The following LRP2 variants were observed in gnomAD, a reference collection of about 807,000 sequenced individuals.
The protein encoded by LRP2 is low-density lipoprotein receptor-related protein 2.
LRP2 carries 172 observed loss-of-function variants against 531.0 expected under a neutral mutation model. The observed-to-expected ratio is 0.32, with a 90% CI of 0.29 to 0.37. The LOEUF (loss-of-function observed/expected upper bound fraction) is 0.37. Among genes scored for constraint, LRP2 ranks in the 10% least tolerant of loss-of-function variants. The probability of loss-of-function intolerance (pLI) is 1.00; values close to 1 mark genes in which losing one functional copy is unlikely to be tolerated. For missense variants in LRP2, 5,167 were observed against 5,868.3 expected, an observed-to-expected ratio of 0.88 and a Z score of 3.90; for synonymous variants, 1,992 against 2,027.6, an observed-to-expected ratio of 0.98 and a Z score of 0.47.
chr2:169,145,610 A>G (rs1239600821), intron 70 of LRP2, 137 bp downstream of exon 70: 1 of 831,702 alleles, frequency 1.2e-6, no homozygotes, highest in Non-Finnish European at 2.0e-6. Context: ...CAGCAAACGT[A>G]CATACACATA....
rs1477135236 is a variant in LRP2, at chr2:169,299,163, GAA to G, written c.428-4455_428-4454del. On this transcript the variant is annotated intron_variant, in intron 4 of 78. Coordinates refer to ENST00000649046, the MANE Select transcript of LRP2 (RefSeq NM_004525.3). ...AGAAAGAAAGAAAGAAAGAAAAAAA[GAA>G]AGAAAGAAAAAGAAAGAAAGAAAGA... Among the ~76,000 whole-genome samples, 3 of 18,732 alleles carry G rather than the reference GAA, an allele frequency of 1.6e-4. 1 individual carries two copies. The East Asian group carries it at 5.2e-3, about 32-fold the overall frequency. The allele number at this position is 18,732 out of a possible 152,430, so 12.3% of individuals were successfully genotyped here. A position where few individuals can be genotyped will look rare whatever the true frequency, so the allele number is the denominator to read the frequency against.
chr2:169,159,625 C>G (rs1686499157), intron 63 of LRP2, among the ~76,000 whole-genome samples: 1 of 152,142 alleles, frequency 6.6e-6, no homozygotes, highest in South Asian at 2.1e-4. Flanking sequence ...TTATTCACTT[C>G]ACGTAAGTTG....
intron 52 of LRP2, among the ~76,000 whole-genome samples, chr2:169,179,566 C>G (rs1186973327): frequency 6.6e-6 from 1 of 151,970 alleles, no homozygotes; most frequent in Non-Finnish European, 1.5e-5. Flanking sequence ...ACTAAAAATA[C>G]AAAATTAGCC....
At chr2:169,200,265 A>T (rs558406178) in intron 44 of LRP2, among the ~76,000 whole-genome samples, 60 of 152,162 alleles carry the variant, frequency 3.9e-4, no homozygotes, top group East Asian at 5.8e-4. Context: ...AAATAAAAAA[A>T]TTTTTTTTCC....
chr2:169,131,940 C>A (rs2105326669), intron 77 of LRP2, among the ~76,000 whole-genome samples: 2 of 152,246 alleles, frequency 1.3e-5, no homozygotes, highest in South Asian at 4.1e-4. Flanking sequence ...TTCCTGCAGA[C>A]CAAATAGTGT....
chr2:169,277,206 A>AG (rs1683579827), intron 13 of LRP2, among the ~76,000 whole-genome samples: 1 of 151,832 alleles, frequency 6.6e-6, no homozygotes, highest in African/African-American at 2.4e-5. Flanking sequence ...AAAAAAAAAA[A>AG]AAAAAAGAAA....
intron 16 of LRP2, among the ~76,000 whole-genome samples, chr2:169,260,239 A>G (rs963534329): frequency 6.6e-6 from 1 of 152,150 alleles, no homozygotes; most frequent in Non-Finnish European, 1.5e-5. Context: ...CAAAAATAAA[A>G]GAGTAATGAG....
chr2:169,271,152 T>C (rs1225798273), intron 15 of LRP2, 45 bp from the exon 16 acceptor site: 1 of 1,359,782 alleles, frequency 7.4e-7, no homozygotes. Flanking sequence ...GCATGGTTCT[T>C]TTCTCTCCTC....
chr2:169,197,650 T>C (rs1330181381), intron 45 of LRP2, among the ~76,000 whole-genome samples: 1 of 152,242 alleles, frequency 6.6e-6, no homozygotes. Flanking sequence ...AGTCTTGTAA[T>C]TCTTCTGGTC....
rs765765342 is a variant in LRP2 at position 169,270,894 on chromosome 2, C to A, written c.2320+10G>T. The A allele has an allele frequency of 7.5e-6, 12 of 1,607,816 alleles. No homozygotes were observed. The highest frequency in any genetic ancestry group is 1.0e-5 in the Non-Finnish European group (12 of 1,176,160). The stretch of plus-strand genomic sequence containing the variant: ...ATACACACACACACACACACACAAA[C>A]CTTTCTCACCTGTGCCATCAATCTT... On this transcript the variant is annotated intron_variant, in intron 16 of 78. Coordinates refer to ENST00000649046, the MANE Select transcript of LRP2 (RefSeq NM_004525.3).
At position 169,213,796 on chromosome 2, in the gene LRP2, T is replaced by C; in HGVS notation, c.5901A>G (p.Ala1967=). The part of the protein sequence containing the change: ...VHQLSHPWGI[A]VHDSFLYYTD... ...TATAATAAAGGAAAGAATCATGGAC[T>C]GCAATTCCCCAGGGGTGGGAAAGCT... Residue 1967 remains alanine, a synonymous_variant, in exon 36 of 79, where the codon GCA becomes GCG. Coordinates refer to ENST00000649046, the MANE Select transcript of LRP2 (RefSeq NM_004525.3). 6.2e-7 allele frequency: 1 copy of C among 1,613,848 alleles called. No homozygotes were observed. The highest frequency in any genetic ancestry group is 8.5e-7 in the Non-Finnish European group (1 of 1,179,796).
chr2:169,137,403 G>A lies in LRP2; in HGVS notation c.13609C>T (p.Gln4537Ter). The A allele has an allele frequency of 6.2e-7, 1 of 1,612,524 alleles. No homozygotes were observed. The highest frequency in any genetic ancestry group is 8.5e-7 in the Non-Finnish European group (1 of 1,178,554). ...SARDSAVKVV[Q>*]PIQVTVSENV... Reference sequence around the variant, plus strand: ...GTATGGTTTCTCACCTGGATTGGCTGAACCACTTTGACAGCACTGTCTCTG... The same window carrying A: ...GTATGGTTTCTCACCTGGATTGGCTAAACCACTTTGACAGCACTGTCTCTG... The change falls in exon 76 of 79, where the codon CAG becomes TAG. Residue 4537 changes from glutamine (Q) to a stop codon, truncating the protein, a stop_gained. Transcript: ENST00000649046. LOFTEE classifies it high-confidence loss of function.
intron 63 of LRP2, among the ~76,000 whole-genome samples, chr2:169,157,797 T>C (rs1260570077): frequency 2.0e-5 from 3 of 152,024 alleles, no homozygotes; most frequent in Non-Finnish European, 4.4e-5. Context: ...TGCACAACTA[T>C]GAAGCCTGAC....
intron 26 of LRP2, among the ~76,000 whole-genome samples, chr2:169,239,256 A>G (rs1689717792): frequency 1.3e-5 from 2 of 152,136 alleles, no homozygotes; most frequent in Non-Finnish European, 2.9e-5. Context: ...ATTTTAAATT[A>G]TATAAAAGCC....
rs1683904082 is a variant in LRP2, at chr2:169,288,001, T to C, written c.1042+1025A>G. On this transcript the variant is annotated intron_variant, in intron 9 of 78. Coordinates refer to ENST00000649046, the MANE Select transcript of LRP2 (RefSeq NM_004525.3). Reference sequence around the variant, plus strand: ...ACATTTCTAAGGAATATCAAAAGAATATAAATATCCTGGGAAAATTCTGAA... The same window carrying C: ...ACATTTCTAAGGAATATCAAAAGAACATAAATATCCTGGGAAAATTCTGAA... Among the ~76,000 whole-genome samples, 3 of 152,168 alleles carry C rather than the reference T, an allele frequency of 2.0e-5. No individual in the cohort carries two copies. In the South Asian group the frequency reaches 6.2e-4, roughly 32 times the overall value.
intron 1 of LRP2, among the ~76,000 whole-genome samples, chr2:169,348,332 T>C (rs1033933557): frequency 6.6e-6 from 1 of 152,194 alleles, no homozygotes; most frequent in African/African-American, 2.4e-5. Context: ...TGAGGGAGAC[T>C]ATGCCCAGGA....
chr2:169,158,056 T>TTA (rs143892285), intron 63 of LRP2, among the ~76,000 whole-genome samples: 996 of 87,840 alleles, frequency 0.011, 8 homozygotes, highest in African/African-American at 0.039. Context: ...GACCAATTGA[T>TTA]TATATACACA....
At chr2:169,324,318 A>T (rs1024207607) in intron 1 of LRP2, among the ~76,000 whole-genome samples, 2 of 152,074 alleles carry the variant, frequency 1.3e-5, no homozygotes, top group Admixed American at 6.6e-5. Context: ...CAAAAAAAAA[A>T]GTTTATTCCA....
chr2:169,200,033 G>A (rs1428370622), intron 44 of LRP2, among the ~76,000 whole-genome samples: 2 of 152,146 alleles, frequency 1.3e-5, no homozygotes, highest in African/African-American at 4.8e-5. Context: ...GGCGGATCAT[G>A]AGGTCAGGAG....
Sources: gnomAD v4.1 joint callset for allele counts (sites outside exome capture counted in the v4.1 genomes callset) on GRCh38, gnomAD v4.1.1 for gene constraint, MANE v1.5 for transcripts, NCBI Gene and HGNC (gene_info 2026-07-23, HGNC 2026-07-21) for gene names.